SEPTIN2: variants seen among roughly 807,000 people sequenced by gnomAD.
SEPTIN2 encodes the protein septin-2.
In SEPTIN2, 34 loss-of-function variants were observed where a neutral mutation model predicts 46.5. That is an observed-to-expected ratio of 0.73 (90% confidence interval 0.56 to 0.97). SEPTIN2 has a LOEUF of 0.97. Among genes scored for constraint, SEPTIN2 ranks in the 50% least tolerant of loss-of-function variants. The pLI is 0.00. For synonymous variants in SEPTIN2, 175 were observed against 153.4 expected (o/e 1.14, Z -1.04); for missense variants, 347 against 448.4 (o/e 0.77, Z 2.04).
chr2:241,319,128 T>A (rs2076781477), intron 1 of SEPTIN2, among the ~76,000 whole-genome samples: 1 of 152,234 alleles, frequency 6.6e-6, no homozygotes, highest in African/African-American at 2.4e-5. Context: ...AATATCTGGA[T>A]CTTACTTGGA....
At chr2:241,321,474 A>G (rs1281150417) in intron 1 of SEPTIN2, among the ~76,000 whole-genome samples, 1 of 152,042 alleles carries the variant, frequency 6.6e-6, no homozygotes, top group Non-Finnish European at 1.5e-5. Flanking sequence ...CCATGTTTGC[A>G]CTAGCCTGCT....
chr2:241,321,521 T>G (rs866013181), intron 1 of SEPTIN2, among the ~76,000 whole-genome samples: 1 of 152,202 alleles, frequency 6.6e-6, no homozygotes, highest in African/African-American at 2.4e-5. Context: ...AGCCTCTCTT[T>G]GTTCCTTTTG....
At chr2:241,350,344 T>C in intron 12 of SEPTIN2, 141 bp downstream of exon 12, 2 of 418,314 alleles carry the variant, frequency 4.8e-6, no homozygotes, top group Non-Finnish European at 8.6e-6. Flanking sequence ...CAAGGAGAGA[T>C]TGCTCCTGAA....
chr2:241,348,016 A>T (rs974842809), intron 10 of SEPTIN2, 118 bp from the exon 11 acceptor site: 1 of 770,574 alleles, frequency 1.3e-6, no homozygotes, highest in Non-Finnish European at 2.1e-6. Flanking sequence ...CACCATCTCA[A>T]TATAAAAAGA....
intron 7 of SEPTIN2, among the ~76,000 whole-genome samples, chr2:241,338,835 TA>T (rs2150088937): frequency 1.0e-5 from 1 of 98,982 alleles, no homozygotes; most frequent in East Asian, 2.4e-4. Context: ...ATATAATATA[TA>T]TAATAAATAT....
intron 1 of SEPTIN2, chr2:241,316,545 G>T: frequency 6.6e-7 from 1 of 1,519,350 alleles, no homozygotes; most frequent in Non-Finnish European, 8.8e-7. Context: ...ACGAAGGTCT[G>T]CACCAGCGAG....
chr2:241,339,000 ATAAAT>A (rs2080856164), intron 7 of SEPTIN2, among the ~76,000 whole-genome samples: 1 of 116,062 alleles, frequency 8.6e-6, no homozygotes, highest in African/African-American at 3.3e-5. Flanking sequence ...ATAAATATAT[ATAAAT>A]ATTATATTTA....
intron 7 of SEPTIN2, among the ~76,000 whole-genome samples, chr2:241,338,664 T>A (rs1388474878): frequency 1.6e-5 from 2 of 128,570 alleles, no homozygotes; most frequent in Non-Finnish European, 1.6e-5. Flanking sequence ...ATATATTATA[T>A]CTATATTATT....
chr2:241,350,233 A>G, intron 12 of SEPTIN2, 30 bp downstream of exon 12: 1 of 1,239,702 alleles, frequency 8.1e-7, no homozygotes, highest in Non-Finnish European at 1.1e-6. Context: ...AGCCTGGAAG[A>G]CAGGCAGTTA....
At chr2:241,321,162 C>T (rs1469856480) in intron 1 of SEPTIN2, among the ~76,000 whole-genome samples, 6 of 152,126 alleles carry the variant, frequency 3.9e-5, no homozygotes, top group Non-Finnish European at 8.8e-5. Flanking sequence ...TCTGCTAAAT[C>T]AGATGTATTT....
chr2:241,329,305 T>C (rs1023300673), intron 3 of SEPTIN2, among the ~76,000 whole-genome samples: 10 of 151,986 alleles, frequency 6.6e-5, no homozygotes, highest in Non-Finnish European at 1.5e-4. Flanking sequence ...TGTTTCTGTA[T>C]TTTTAGTAGA....
At position 241,353,771 on chromosome 2, in the gene SEPTIN2, G is replaced by A. The variant is rs1244391039; in HGVS notation, c.*1834G>A. ...TAGTGACTAAGCCCCGCATATGTGAGTGAAAGTACTTCAGGCACGCTGCCT... is the reference window on the plus strand; with the variant it reads ...TAGTGACTAAGCCCCGCATATGTGAATGAAAGTACTTCAGGCACGCTGCCT... On this transcript the variant is annotated 3_prime_UTR_variant, in exon 13 of 13. Coordinates refer to ENST00000391971, the MANE Select transcript of SEPTIN2 (RefSeq NM_004404.5). 1.3e-5 allele frequency: 2 copies of A among 153,390 alleles called. No homozygotes were observed. The highest frequency in any genetic ancestry group is 2.9e-5 in the Non-Finnish European group (2 of 68,042). The allele number at this position is 153,390 out of a possible 1,614,324, so 9.5% of individuals were successfully genotyped here. A position where few individuals can be genotyped will look rare whatever the true frequency, so the allele number is the denominator to read the frequency against.
chr2:241,338,946 T>A (rs1476942064), intron 7 of SEPTIN2, among the ~76,000 whole-genome samples: 10 of 80,414 alleles, frequency 1.2e-4, no homozygotes, highest in East Asian at 8.9e-4. Context: ...TTATATATAT[T>A]ATATATATAA....
chr2:241,337,634 T>G, intron 6 of SEPTIN2, 39 bp from the exon 7 acceptor site: 1 of 1,562,466 alleles, frequency 6.4e-7, no homozygotes. Context: ...TTTGTATGTA[T>G]TTTTTTTAAA....
At chr2:241,335,811 C>T (rs562578108) in intron 4 of SEPTIN2, 164 bp from the exon 5 acceptor site, 1 of 795,366 alleles carries the variant, frequency 1.3e-6, no homozygotes, top group Non-Finnish European at 2.1e-6. Context: ...TTAACCTTCC[C>T]CTTTCTGACT....
chr2:241,316,413 C>T, intron 1 of SEPTIN2: 5 of 1,106,056 alleles, frequency 4.5e-6, no homozygotes, highest in African/African-American at 1.6e-5. Flanking sequence ...GTGCCATTTC[C>T]TCCCTGAGGC....
At chr2:241,315,783 CG>C (rs994684902), upstream of SEPTIN2, 9 of 152,492 alleles carry the variant, frequency 5.9e-5, no homozygotes, top group African/African-American at 2.2e-4. Context: ...ACTCGGAAGC[CG>C]GCCGCATGGG....
chr2:241,347,028 G>A lies in SEPTIN2; in HGVS notation c.926+779G>A, dbSNP rs552641757. Among the ~76,000 whole-genome samples, 265 of 152,326 alleles carry A rather than the reference G, an allele frequency of 1.7e-3. 1 individual carries two copies. The highest frequency in any genetic ancestry group is 6.0e-3 in the African/African-American group (250 of 41,572). ...TAAGTTTTCTGGGAGGCCAAGGCAA[G>A]TGGATCACTTGAACCCAGTAGTTTG... On this transcript the variant is annotated intron_variant, in intron 10 of 12. Coordinates refer to ENST00000391971, the MANE Select transcript of SEPTIN2 (RefSeq NM_004404.5).
intron 7 of SEPTIN2, among the ~76,000 whole-genome samples, chr2:241,338,894 T>TATATATATTATATATAATATATA (rs1559644210): frequency 4.6e-4 from 37 of 79,886 alleles, no homozygotes; most frequent in African/African-American, 1.9e-3. Flanking sequence ...TAATATATAT[T>TATATATATTATATATAATATATA]ATATATATTA....
Sources: allele counts gnomAD v4.1 joint callset (sites outside exome capture counted in the v4.1 genomes callset), GRCh38; gene constraint gnomAD v4.1.1; transcripts MANE v1.5; gene names NCBI Gene and HGNC (gene_info 2026-07-23, HGNC 2026-07-21).